The following DCAF8 variants were observed in gnomAD, a reference collection of about 807,000 sequenced individuals.
The protein encoded by DCAF8 is DDB1- and CUL4-associated factor 8.
A neutral mutation model predicts 68.0 loss-of-function variants in DCAF8; 20 were observed. The observed-to-expected ratio is 0.29, with a 90% CI of 0.21 to 0.43. DCAF8 has a LOEUF of 0.43. Among genes scored for constraint, DCAF8 ranks in the 20% least tolerant of loss-of-function variants. The probability of loss-of-function intolerance (pLI) is 1.00; values close to 1 mark genes in which losing one functional copy is unlikely to be tolerated. For missense variants in DCAF8, 460 were observed against 771.0 expected, an observed-to-expected ratio of 0.60 and a Z score of 4.78; for synonymous variants, 230 against 276.9, an observed-to-expected ratio of 0.83 and a Z score of 1.68.
At chr1:160,242,730 G>C (rs187677710) in intron 3 of DCAF8, among the ~76,000 whole-genome samples, 51 of 152,254 alleles carry the variant, frequency 3.3e-4, no homozygotes, top group African/African-American at 1.2e-3. Flanking sequence ...CCAGTATGTA[G>C]AACAAAAGCA....
At chr1:160,258,493 A>G (rs924020008) in intron 2 of DCAF8, among the ~76,000 whole-genome samples, 3 of 151,894 alleles carry the variant, frequency 2.0e-5, no homozygotes, top group African/African-American at 7.3e-5. Flanking sequence ...CTGGAAATAT[A>G]AAAATATCTT....
At chr1:160,256,150 G>T (rs1175949024) in intron 2 of DCAF8, among the ~76,000 whole-genome samples, 1 of 151,318 alleles carries the variant, frequency 6.6e-6, no homozygotes, top group African/African-American at 2.4e-5. Flanking sequence ...ACTGCACCTG[G>T]CTAAGAGAAC....
intron 7 of DCAF8, among the ~76,000 whole-genome samples, chr1:160,228,760 T>C (rs1655565491): frequency 6.6e-6 from 1 of 152,218 alleles, no homozygotes; most frequent in Non-Finnish European, 1.5e-5. Flanking sequence ...CTTGAAGTAA[T>C]TCCTTTAGGC....
At chr1:160,225,035 C>T in intron 9 of DCAF8, 27 bp downstream of exon 9, 1 of 1,613,090 alleles carries the variant, frequency 6.2e-7, no homozygotes, top group Non-Finnish European at 8.5e-7. Flanking sequence ...GGCATGCCAG[C>T]CTAGGAGCTG....
chr1:160,234,839 G>C (rs1655815276), intron 6 of DCAF8, among the ~76,000 whole-genome samples: 1 of 152,076 alleles, frequency 6.6e-6, no homozygotes, highest in African/African-American at 2.4e-5. Context: ...TGTCATTTAG[G>C]CTTGTTCCAT....
chr1:160,262,162 C>T (rs1490366425), intron 1 of DCAF8: 2 of 395,216 alleles, frequency 5.1e-6, no homozygotes, highest in Non-Finnish European at 8.9e-6. Context: ...TTCGGGTCGG[C>T]GGAAGGAAAA....
At chr1:160,259,125 G>C (rs1317218891) in intron 2 of DCAF8, among the ~76,000 whole-genome samples, 1 of 152,182 alleles carries the variant, frequency 6.6e-6, no homozygotes, top group Admixed American at 6.5e-5. Context: ...GATATTATCA[G>C]TACTTAATTT....
chr1:160,221,104 T>A (rs1238946835), intron 11 of DCAF8: 1 of 152,224 alleles, frequency 6.6e-6, no homozygotes, highest in Non-Finnish European at 1.5e-5. Context: ...AATGGGTTAA[T>A]CATCAAACCC....
At chr1:160,248,290 AAG>A (rs748364054) in intron 2 of DCAF8, among the ~76,000 whole-genome samples, 1 of 151,776 alleles carries the variant, frequency 6.6e-6, no homozygotes, top group Non-Finnish European at 1.5e-5. Context: ...CTGAGTGACA[AAG>A]AGAGACTCCA....
At chr1:160,236,341 T>G (rs1249579062) in intron 6 of DCAF8, among the ~76,000 whole-genome samples, 1 of 152,004 alleles carries the variant, frequency 6.6e-6, no homozygotes, top group African/African-American at 2.4e-5. Flanking sequence ...CATATGTGTG[T>G]ATATGTGTGT....
At chr1:160,234,464 C>T (rs74125522) in intron 6 of DCAF8, among the ~76,000 whole-genome samples, 2,132 of 152,230 alleles carry the variant, frequency 0.014, 58 homozygotes, top group African/African-American at 0.048. Flanking sequence ...ATGGTTAACT[C>T]TCAGCCAGAC....
intron 2 of DCAF8, among the ~76,000 whole-genome samples, chr1:160,253,857 G>T (rs1386500129): frequency 6.6e-6 from 1 of 151,646 alleles, no homozygotes; most frequent in African/African-American, 2.4e-5. Flanking sequence ...AAGAAGGTAA[G>T]GAGGATAGTC....
At chr1:160,228,851 TG>T (rs1293649420) in intron 7 of DCAF8, among the ~76,000 whole-genome samples, 1 of 152,200 alleles carries the variant, frequency 6.6e-6, no homozygotes, top group Admixed American at 6.5e-5. Context: ...ATGAGCTGTT[TG>T]GGTTCTTTCA....
At chr1:160,227,793 A>C (rs972167089) in intron 7 of DCAF8, among the ~76,000 whole-genome samples, 1 of 152,252 alleles carries the variant, frequency 6.6e-6, no homozygotes, top group African/African-American at 2.4e-5. Flanking sequence ...CAAGCACTAC[A>C]GTTTGTCAAG....
intron 2 of DCAF8, among the ~76,000 whole-genome samples, chr1:160,253,647 C>CAAAAAAA (rs747211563): frequency 4.1e-4 from 11 of 26,946 alleles, no homozygotes; most frequent in Non-Finnish European, 6.8e-4. Context: ...GACTCCATCT[C>CAAAAAAA]AAAAAAAAAA....
intron 6 of DCAF8, 95 bp downstream of exon 6, chr1:160,237,040 A>G (rs1316805181): frequency 2.4e-6 from 2 of 835,514 alleles, no homozygotes; most frequent in East Asian, 5.5e-5. Flanking sequence ...CAAAGGTACT[A>G]TTCGGATGAA....
intron 5 of DCAF8, 47 bp downstream of exon 5, chr1:160,238,560 C>T: frequency 6.5e-7 from 1 of 1,533,966 alleles, no homozygotes; most frequent in South Asian, 1.3e-5. Flanking sequence ...GGCTGAGAAC[C>T]ACAGAGGATT....
intron 2 of DCAF8, among the ~76,000 whole-genome samples, chr1:160,253,803 G>A (rs190407244): frequency 1.1e-4 from 17 of 152,042 alleles, no homozygotes; most frequent in Admixed American, 2.6e-4. Context: ...TCCAGCCTGG[G>A]TGACAGAGCA....
At chr1:160,224,338 GGCAACAC>G in intron 10 of DCAF8, 97 bp downstream of exon 10, 1 of 807,384 alleles carries the variant, frequency 1.2e-6, no homozygotes, top group South Asian at 1.6e-5. Context: ...CAGTGCCCAT[GGCAACAC>G]AGGCAGGTAG....
Sources: allele counts gnomAD v4.1 joint callset (sites outside exome capture counted in the v4.1 genomes callset), GRCh38; gene constraint gnomAD v4.1.1; transcripts MANE v1.5; gene names NCBI Gene and HGNC (gene_info 2026-07-23, HGNC 2026-07-21).